The following DBN1 variants were observed in gnomAD, a reference collection of about 807,000 sequenced individuals.
DBN1 encodes the protein drebrin 1.
In DBN1, 21 loss-of-function variants were observed where a neutral mutation model predicts 83.5. The observed-to-expected ratio is 0.25, with a 90% CI of 0.18 to 0.36. The LOEUF is 0.36. Among genes scored for constraint, DBN1 ranks in the 10% least tolerant of loss-of-function variants. The probability of loss-of-function intolerance (pLI) is 1.00; values close to 1 mark genes in which losing one functional copy is unlikely to be tolerated. For synonymous variants in DBN1, 381 were observed against 384.9 expected (o/e 0.99, Z 0.12); for missense variants, 874 against 935.7 (o/e 0.93, Z 0.86).
At chr5:177,463,402 G>A (rs536840967) in intron 8 of DBN1, among the ~76,000 whole-genome samples, 3 of 152,056 alleles carry the variant, frequency 2.0e-5, no homozygotes, top group Non-Finnish European at 4.4e-5. Context: ...CCAGAGGGAG[G>A]AGAGAGATCA....
intron 8 of DBN1, chr5:177,462,467 G>A (rs1757121828): frequency 7.4e-6 from 7 of 941,046 alleles, no homozygotes; most frequent in Non-Finnish European, 8.9e-6. Context: ...CCCACAGGGT[G>A]CTCCTGGCTT....
In DBN1 at chr5:177,465,022, C is replaced by T. The variant is rs574358267; in HGVS notation, c.771+1750G>A. On this transcript the variant is annotated intron_variant, in intron 8 of 14. Coordinates refer to ENST00000393565, the MANE Select transcript of DBN1 (RefSeq NM_001363541.2). ...ACAAAAAATTAGCCGGACGTGGTGG[C>T]GGGCACCTGTAGTCCCAGCTACTTG... 2.4e-4 allele frequency among the ~76,000 whole-genome samples: 37 copies of T among 151,752 alleles called. No homozygotes were observed. In the East Asian group the frequency reaches 5.2e-3, roughly 21 times the overall value.
At chr5:177,472,757 G>A (rs1279992037) in intron 1 of DBN1, 6 of 990,964 alleles carry the variant, frequency 6.1e-6, no homozygotes, top group Non-Finnish European at 7.2e-6. Context: ...TCCCCTTCAG[G>A]TAGGGGAGGA....
Position 177,457,136 on chromosome 5 carries a change from A to C in DBN1, c.*297T>G. ...CAACCCGGCCAGCTGAGCAGGGAGG[A>C]CTAAGAGCTACAATCTGGACCAGGG... On this transcript the variant is annotated 3_prime_UTR_variant, in exon 15 of 15. Coordinates refer to ENST00000393565, the MANE Select transcript of DBN1 (RefSeq NM_001363541.2). The C allele has an allele frequency of 2.2e-6, 1 of 459,906 alleles. No homozygotes were observed. The allele number at this position is 459,906 out of a possible 1,614,324, so 28.5% of individuals were successfully genotyped here. A position where few individuals can be genotyped will look rare whatever the true frequency, so the allele number is the denominator to read the frequency against.
rs375036344 is a variant in DBN1 at position 177,460,082 on chromosome 5, C to A, written c.956-342G>T. ...GGGTGCAAGCTCCGGGAGGCTCCCT[C>A]AGGCCCGGGGCAAGAGCCCAGCACG... is the stretch of plus-strand genomic sequence containing the variant. On this transcript the variant is annotated intron_variant, in intron 10 of 14. Coordinates refer to ENST00000393565, the MANE Select transcript of DBN1 (RefSeq NM_001363541.2). Among the ~76,000 whole-genome samples, 7 of 152,292 alleles carry A rather than the reference C, an allele frequency of 4.6e-5. No individual in the cohort carries two copies. In the South Asian group the frequency reaches 1.4e-3, roughly 32 times the overall value.
chr5:177,462,295 T>C, intron 8 of DBN1: 1 of 985,498 alleles, frequency 1.0e-6, no homozygotes, highest in Non-Finnish European at 1.2e-6. Context: ...GCACACCCGT[T>C]CCCACCTCCA....
At chr5:177,461,589 T>A (rs1297780786) in intron 8 of DBN1, among the ~76,000 whole-genome samples, 2 of 152,256 alleles carry the variant, frequency 1.3e-5, no homozygotes, top group East Asian at 1.9e-4. Context: ...TCCCCATATC[T>A]AAGCAGGTGC....
At position 177,462,288 on chromosome 5, in the gene DBN1, C is replaced by T. The variant is rs1757107606; in HGVS notation, c.772-1585G>A. On this transcript the variant is annotated intron_variant, in intron 8 of 14. Transcript: ENST00000393565. ...ACGCAGTCAGTTCCCAGAACAGGCACACCCGTTCCCACCTCCAAGCCTCAG... is the reference window on the plus strand; with the variant it reads ...ACGCAGTCAGTTCCCAGAACAGGCATACCCGTTCCCACCTCCAAGCCTCAG... The T allele has an allele frequency of 1.1e-5, 11 of 985,532 alleles. No homozygotes were observed. The South Asian group carries it at 5.2e-4, about 46-fold the overall frequency. The allele number at this position is 985,532 out of a possible 1,614,324, so 61.0% of individuals were successfully genotyped here. A position where few individuals can be genotyped will look rare whatever the true frequency, so the allele number is the denominator to read the frequency against.
intron 1 of DBN1, among the ~76,000 whole-genome samples, chr5:177,470,392 G>T (rs1011866878): frequency 2.0e-5 from 3 of 152,122 alleles, no homozygotes; most frequent in Admixed American, 2.0e-4. Flanking sequence ...CCTCTGAGAG[G>T]ACCTGTCTTG....
chr5:177,472,927 A>G (rs1048973910), intron 1 of DBN1: 1 of 741,708 alleles, frequency 1.3e-6, no homozygotes, highest in African/African-American at 1.9e-5. Flanking sequence ...CCCGGCCCCC[A>G]GCCCGCTCCG....
chr5:177,458,241 G>C lies in DBN1; in HGVS notation c.1731C>G (p.Leu577=), dbSNP rs1756705894. Residue 577 remains leucine (L), a synonymous_variant, in exon 13 of 15, where the codon CTC becomes CTG. Coordinates refer to ENST00000393565, the MANE Select transcript of DBN1 (RefSeq NM_001363541.2). The part of the protein sequence containing the change: ...LPAGEGCATL[L]NFDELPEPPA... ...GCGGCTCAGGCAGCTCATCAAAGTT[G>C]AGAAGGGTGGCACAGCCTTCGCCTG... 6.2e-7 allele frequency: 1 copy of C among 1,613,552 alleles called. No homozygotes were observed. The highest frequency in any genetic ancestry group is 1.3e-5 in the African/African-American group (1 of 74,928).
chr5:177,458,013 C>G (rs1416187279), intron 13 of DBN1, 45 bp downstream of exon 13: 2 of 1,611,162 alleles, frequency 1.2e-6, no homozygotes, highest in African/African-American at 2.7e-5. Flanking sequence ...CCCTGCTCAG[C>G]CCCCACTCCC....
chr5:177,468,452 G>A, intron 2 of DBN1: 1 of 576,560 alleles, frequency 1.7e-6, no homozygotes, highest in Non-Finnish European at 3.1e-6. Context: ...TAGGACTGAG[G>A]AAGTGTTTGT....
At chr5:177,459,804 T>C (rs1756879345) in intron 10 of DBN1, 64 bp from the exon 11 acceptor site, 1 of 1,396,094 alleles carries the variant, frequency 7.2e-7, no homozygotes, top group Admixed American at 3.1e-5. Flanking sequence ...CCCCCACCCC[T>C]GCCCGAGGCC....
chr5:177,467,093 C>T lies in DBN1; in HGVS notation c.556-31G>A. 2 of 1,613,032 alleles carry T rather than the reference C, an allele frequency of 1.2e-6. No individual in the cohort carries two copies. The highest frequency in any genetic ancestry group is 1.3e-5 in the African/African-American group (1 of 75,030). On this transcript the variant is annotated intron_variant, in intron 6 of 14. Transcript: ENST00000393565. The surrounding 1 kb of genome is among the most constrained non-coding windows in gnomAD (Gnocchi z 9.1). ...AGCCCCGGTGCGAACAAGGGTAGGC[C>T]CCGAGCCTAGGCGCCTGGACCCTGC...
chr5:177,469,308 C>T (rs1408316323), intron 1 of DBN1, among the ~76,000 whole-genome samples: 3 of 151,960 alleles, frequency 2.0e-5, no homozygotes, highest in African/African-American at 4.8e-5. Context: ...CCTTGGTCCC[C>T]GCTGCCCCTC....
chr5:177,464,302 T>C (rs1379175700), intron 8 of DBN1, among the ~76,000 whole-genome samples: 2 of 144,208 alleles, frequency 1.4e-5, no homozygotes, highest in African/African-American at 2.6e-5. Flanking sequence ...AAAAATTAGC[T>C]GGGCATGGTG....
At position 177,457,678 on chromosome 5, in the gene DBN1, G is replaced by T; in HGVS notation, c.1994C>A (p.Pro665His). The part of the protein sequence containing the change: ...SEELCAKAPP[P>H]VFYNKPPEID... ...ACCTGGAGGCTTGTTGTAGAACACA[G>T]GAGGCGGAGCCTTGGCACAGAGCTC... Residue 665 changes from proline to histidine, a missense_variant, in exon 14 of 15, where the codon CCT becomes CAT. Physicochemically the swap from Pro to His is moderately conservative, Grantham distance 77. This residue lies in a region of DBN1 where 725 missense variants were observed against 719.7 expected (regional missense o/e 1.01). Transcript: ENST00000393565. The T allele has an allele frequency of 6.2e-7, 1 of 1,605,928 alleles. No individual in the cohort carries two copies. Among genetic ancestry groups the T allele is most frequent in the Non-Finnish European group, 8.5e-7 (1 of 1,173,150 alleles).
chr5:177,460,583 T>TG (rs776207752), intron 9 of DBN1, 28 bp from the exon 10 acceptor site: 1 of 1,614,046 alleles, frequency 6.2e-7, no homozygotes, highest in African/African-American at 1.3e-5. Context: ...AGGTTGGGGC[T>TG]GGGCCAGGCA....
Sources: allele counts gnomAD v4.1 joint callset (sites outside exome capture counted in the v4.1 genomes callset), GRCh38; gene constraint gnomAD v4.1.1; regional missense constraint gnomAD v4.1.1; non-coding constraint Gnocchi (gnomAD v3.1); transcripts MANE v1.5; gene names NCBI Gene and HGNC (gene_info 2026-07-23, HGNC 2026-07-21).